Variants in UBE2G1 observed in about 807,000 individuals in gnomAD.
The protein encoded by UBE2G1 is ubiquitin conjugating enzyme E2 G1.
In UBE2G1, 5 loss-of-function variants were observed where a neutral mutation model predicts 22.7. The ratio of observed to expected loss-of-function variants is 0.22; its 90% CI spans 0.12 to 0.46. UBE2G1 has a LOEUF of 0.46. Ranked by LOEUF, UBE2G1 falls within the 20% of genes least tolerant of loss-of-function variation. The pLI is 0.99. For synonymous variants in UBE2G1, 74 were observed against 67.5 expected, an observed-to-expected ratio of 1.10 and a Z score of -0.47; for missense variants, 88 against 203.9, an observed-to-expected ratio of 0.43 and a Z score of 3.46.
chr17:4,350,426 T>C (rs1185418098), intron 1 of UBE2G1, among the ~76,000 whole-genome samples: 1 of 151,964 alleles, frequency 6.6e-6, no homozygotes, highest in Non-Finnish European at 1.5e-5. Context: ...GCCACTGCAC[T>C]CCAGCCTGGG....
At chr17:4,307,738 G>A (rs1969263999) in intron 1 of UBE2G1, among the ~76,000 whole-genome samples, 1 of 152,142 alleles carries the variant, frequency 6.6e-6, no homozygotes, top group East Asian at 1.9e-4. Context: ...CTGGGACAGA[G>A]GAGCAGCTTA....
At chr17:4,348,563 A>T (rs1969808048) in intron 1 of UBE2G1, among the ~76,000 whole-genome samples, 1 of 148,670 alleles carries the variant, frequency 6.7e-6, no homozygotes, top group South Asian at 2.1e-4. Context: ...AAAAAAAAAA[A>T]AAAAAAAATT....
chr17:4,279,275 C>CAA (rs10593474), intron 5 of UBE2G1, among the ~76,000 whole-genome samples: 45 of 131,612 alleles, frequency 3.4e-4, no homozygotes, highest in African/African-American at 1.3e-3. Flanking sequence ...AACTCCATCT[C>CAA]AAAAAAAAAA....
intron 1 of UBE2G1, among the ~76,000 whole-genome samples, chr17:4,354,291 T>C (rs1247853812): frequency 1.3e-5 from 2 of 152,158 alleles, no homozygotes; most frequent in South Asian, 2.1e-4. Context: ...GGAACTTTTA[T>C]TTTTCTACAG....
intron 1 of UBE2G1, among the ~76,000 whole-genome samples, chr17:4,351,345 C>T (rs1969842950): frequency 1.3e-5 from 2 of 152,188 alleles, no homozygotes; most frequent in Non-Finnish European, 2.9e-5. Flanking sequence ...ATAGCCATGC[C>T]ATATGGCTTA....
chr17:4,331,119 A>C (rs1286259033), intron 1 of UBE2G1, among the ~76,000 whole-genome samples: 1 of 152,188 alleles, frequency 6.6e-6, no homozygotes, highest in Non-Finnish European at 1.5e-5. Flanking sequence ...AGAACACAAT[A>C]AAAAGTGGCA....
At position 4,366,355 on chromosome 17, in the gene UBE2G1, G is replaced by A. The variant is rs2143846772; in HGVS notation, c.-39C>T. 2 of 1,516,992 alleles carry A rather than the reference G, an allele frequency of 1.3e-6. No homozygotes were observed. Among genetic ancestry groups the A allele is most frequent in the African/African-American group, 1.4e-5 (1 of 69,688 alleles). The allele number at this position is 1,516,992 out of a possible 1,614,324, so 94.0% of individuals were successfully genotyped here. A position where few individuals can be genotyped will look rare whatever the true frequency, so the allele number is the denominator to read the frequency against. On this transcript the variant is annotated 5_prime_UTR_variant, in exon 1 of 6. Transcript: ENST00000396981. ...GGCCCGGGCTGGCGCCGGGGCTTCC[G>A]AAGGGCTGGGGACAGGCTCTGGGGG...
intron 1 of UBE2G1, among the ~76,000 whole-genome samples, chr17:4,326,361 A>G (rs1969504412): frequency 6.6e-6 from 1 of 152,214 alleles, no homozygotes; most frequent in Non-Finnish European, 1.5e-5. Context: ...TAATAATAGA[A>G]GAAATTCAAA....
At chr17:4,312,482 G>A (rs907101945) in intron 1 of UBE2G1, among the ~76,000 whole-genome samples, 4 of 151,956 alleles carry the variant, frequency 2.6e-5, no homozygotes, top group African/African-American at 9.7e-5. Flanking sequence ...GGATCACGAG[G>A]TCAAGAGATC....
chr17:4,281,472 G>C (rs1348093561), intron 5 of UBE2G1, among the ~76,000 whole-genome samples: 1 of 152,044 alleles, frequency 6.6e-6, no homozygotes, highest in East Asian at 1.9e-4. Flanking sequence ...TCTTAAAATA[G>C]GTAGACTCAA....
intron 1 of UBE2G1, among the ~76,000 whole-genome samples, chr17:4,311,618 G>T (rs531983331): frequency 6.6e-6 from 1 of 152,182 alleles, no homozygotes; most frequent in Non-Finnish European, 1.5e-5. Context: ...ATTAGACAAT[G>T]AGGGAAGGGA....
In UBE2G1 at chr17:4,284,706, C is replaced by G. The variant is rs370623723; in HGVS notation, c.427-1785G>C. 2.0e-4 allele frequency among the ~76,000 whole-genome samples: 31 copies of G among 152,150 alleles called. No homozygotes were observed. The East Asian group carries it at 4.4e-3, about 22-fold the overall frequency. On this transcript the variant is annotated intron_variant, in intron 4 of 5. Transcript: ENST00000396981. ...TTAAAAGACACCTCTTCCTCCAACC[C>G]TTACCCTTACCTTCAGTTTAGTAGC...
At chr17:4,346,431 C>CTTTT (rs67852481) in intron 1 of UBE2G1, among the ~76,000 whole-genome samples, 31 of 120,516 alleles carry the variant, frequency 2.6e-4, no homozygotes, top group East Asian at 4.5e-4. Flanking sequence ...TTTTCTTCTT[C>CTTTT]TTTTTTTTTT....
At chr17:4,307,780 C>T (rs1448694403) in intron 1 of UBE2G1, among the ~76,000 whole-genome samples, 2 of 152,144 alleles carry the variant, frequency 1.3e-5, no homozygotes, top group Non-Finnish European at 2.9e-5. Flanking sequence ...AGAATGGCTG[C>T]AGCATCGTGA....
intron 1 of UBE2G1, among the ~76,000 whole-genome samples, chr17:4,348,550 C>T (rs1969807699): frequency 8.3e-6 from 1 of 120,834 alleles, no homozygotes; most frequent in African/African-American, 3.6e-5. Flanking sequence ...GAGACTCCGT[C>T]TCAAAAAAAA....
At chr17:4,295,768 A>T (rs1000318931) in intron 3 of UBE2G1, among the ~76,000 whole-genome samples, 7 of 149,640 alleles carry the variant, frequency 4.7e-5, no homozygotes, top group African/African-American at 1.2e-4. Flanking sequence ...TTTATAGAGA[A>T]TTTTTTTTTT....
intron 1 of UBE2G1, chr17:4,364,274 A>G (rs1477911181): frequency 6.9e-6 from 1 of 144,022 alleles, no homozygotes; most frequent in Non-Finnish European, 1.5e-5. Context: ...AAAAAAAAAA[A>G]AAAAAATGCA....
intron 1 of UBE2G1, among the ~76,000 whole-genome samples, chr17:4,365,146 T>C (rs1049954364): frequency 6.6e-6 from 1 of 152,206 alleles, no homozygotes; most frequent in Non-Finnish European, 1.5e-5. Flanking sequence ...CACTCCAGTC[T>C]TTGGCTTCTG....
intron 5 of UBE2G1, among the ~76,000 whole-genome samples, chr17:4,278,278 C>T (rs1968844822): frequency 6.6e-6 from 1 of 152,140 alleles, no homozygotes; most frequent in Admixed American, 6.6e-5. Context: ...AAATTAGGTG[C>T]ACATCTCAAT....
Sources: allele counts gnomAD v4.1 joint callset (sites outside exome capture counted in the v4.1 genomes callset), GRCh38; gene constraint gnomAD v4.1.1; transcripts MANE v1.5; gene names NCBI Gene and HGNC (gene_info 2026-07-23, HGNC 2026-07-21).